The following C4orf36 variants were observed in gnomAD, a reference collection of about 807,000 sequenced individuals.
C4orf36 encodes chromosome 4 open reading frame 36.
C4orf36 carries 11 observed loss-of-function variants against 12.2 expected under a neutral mutation model. The observed-to-expected ratio is 0.90, with a 90% CI of 0.57 to 1.49. The LOEUF is 1.49. Among genes scored for constraint, C4orf36 ranks in the 40% most tolerant of loss-of-function variants. The pLI, the probability that C4orf36 is intolerant of heterozygous loss-of-function variation, is 0.00. For missense variants in C4orf36, 137 were observed against 133.9 expected (o/e 1.02, Z -0.11); for synonymous variants, 54 against 51.3 (o/e 1.05, Z -0.22).
In C4orf36 at chr4:86,889,042, TAAAC is replaced by T. The variant is rs574316732; in HGVS notation, c.66-771_66-768del. On this transcript the variant is annotated intron_variant, in intron 2 of 4. Coordinates refer to ENST00000295898, the MANE Select transcript of C4orf36 (RefSeq NM_144645.4). ...TTGAAGTGTTGAAGTGTCATTCGTT[TAAAC>T]AAACAAACAAAAAAACATGGAGGCC... Among the ~76,000 whole-genome samples, 367 of 152,222 alleles carry T rather than the reference TAAAC, an allele frequency of 2.4e-3. 1 individual carries two copies. The highest frequency in any genetic ancestry group is 4.3e-3 in the Non-Finnish European group (290 of 67,994).
At chr4:86,915,204 A>G in the C4orf36 span, among the ~76,000 whole-genome samples, 1 of 152,144 alleles carries the variant, frequency 6.6e-6, no homozygotes, top group East Asian at 1.9e-4. Flanking sequence ...CCCCTGTATA[A>G]GCACCCTCCA....
chr4:86,919,891 TGA>T, the C4orf36 span, among the ~76,000 whole-genome samples: 18 of 152,118 alleles, frequency 1.2e-4, no homozygotes, highest in East Asian at 2.1e-3. Context: ...AAAAATTAGC[TGA>T]GAGTGGGGGA....
the C4orf36 span, among the ~76,000 whole-genome samples, chr4:86,930,978 T>C: frequency 6.6e-6 from 1 of 152,206 alleles, no homozygotes; most frequent in East Asian, 1.9e-4. Flanking sequence ...TACCTGGCTT[T>C]CTGTACATTT....
At chr4:86,915,588 A>G in the C4orf36 span, among the ~76,000 whole-genome samples, 3 of 152,152 alleles carry the variant, frequency 2.0e-5, no homozygotes, top group South Asian at 6.2e-4. Flanking sequence ...GTTCAAGACC[A>G]GCCTGATCAA....
At chr4:86,913,825 CTTTT>C in the C4orf36 span, 752 of 614,952 alleles carry the variant, frequency 1.2e-3, no homozygotes, top group East Asian at 1.5e-3. Context: ...TTTTCATCCA[CTTTT>C]TTTTTTTTTT....
the C4orf36 span, among the ~76,000 whole-genome samples, chr4:86,910,025 C>T: frequency 2.0e-5 from 3 of 151,558 alleles, no homozygotes; most frequent in Non-Finnish European, 2.9e-5. Context: ...CACAGGAATG[C>T]AGCCAGCCCT....
At chr4:86,904,751 A>T in the C4orf36 span, among the ~76,000 whole-genome samples, 1 of 152,152 alleles carries the variant, frequency 6.6e-6, no homozygotes, top group South Asian at 2.1e-4. Context: ...TAATAATTGT[A>T]AGTTCAATGA....
At chr4:86,917,381 AAAGG>A in the C4orf36 span, among the ~76,000 whole-genome samples, 77 of 149,506 alleles carry the variant, frequency 5.2e-4, no homozygotes, top group South Asian at 1.5e-3. Flanking sequence ...GGAAGGAAGG[AAAGG>A]AAGGAAGGAA....
chr4:86,914,391 C>CTTT, the C4orf36 span: 1,731 of 326,978 alleles, frequency 5.3e-3, 3 homozygotes, highest in African/African-American at 0.014. Context: ...CTTCTTCTTC[C>CTTT]TTTTTTTTTT....
At chr4:86,927,632 T>C in the C4orf36 span, among the ~76,000 whole-genome samples, 1 of 151,970 alleles carries the variant, frequency 6.6e-6, no homozygotes, top group South Asian at 2.1e-4. Flanking sequence ...AAACCCTGTC[T>C]CTACTAAAAA....
At chr4:86,876,611 T>A in intron 4 of C4orf36, 168 bp from the exon 5 acceptor site, 1 of 1,613,924 alleles carries the variant, frequency 6.2e-7, no homozygotes, top group African/African-American at 1.3e-5. Flanking sequence ...GAACAGACAG[T>A]TCTTCAATGA....
In C4orf36 at chr4:86,876,370, G is replaced by A; in HGVS notation, c.*76C>T. The A allele has an allele frequency of 1.3e-6, 2 of 1,597,934 alleles. No homozygotes were observed. The highest frequency in any genetic ancestry group is 1.7e-6 in the Non-Finnish European group (2 of 1,172,900). ...GCAGCGACGGCCGGGGCCGGGAGCGGGTCCTGGGCGGCCCAGGAGAAGCAG... is the reference window on the plus strand; with the variant it reads ...GCAGCGACGGCCGGGGCCGGGAGCGAGTCCTGGGCGGCCCAGGAGAAGCAG... On this transcript the variant is annotated 3_prime_UTR_variant, in exon 5 of 5. Transcript: ENST00000295898.
the C4orf36 span, chr4:86,914,178 GA>G: frequency 1.1e-5 from 17 of 1,591,018 alleles, no homozygotes; most frequent in Non-Finnish European, 1.5e-5. Context: ...CCCTAGTGGG[GA>G]CTACTTCACA....
At chr4:86,905,378 C>T in the C4orf36 span, among the ~76,000 whole-genome samples, 42 of 141,350 alleles carry the variant, frequency 3.0e-4, no homozygotes, top group African/African-American at 1.0e-3. Flanking sequence ...GACTCCATCT[C>T]GAAATAAATA....
chr4:86,897,481 C>CT, the C4orf36 span, among the ~76,000 whole-genome samples: 1 of 152,210 alleles, frequency 6.6e-6, no homozygotes. Flanking sequence ...GAGCTACCTC[C>CT]TTTAAGTTCT....
the C4orf36 span, among the ~76,000 whole-genome samples, chr4:86,923,292 T>C: frequency 6.6e-6 from 1 of 151,864 alleles, no homozygotes; most frequent in South Asian, 2.1e-4. Flanking sequence ...GGTCTCACTA[T>C]GTTGCCTAAG....
chr4:86,931,831 T>C, the C4orf36 span, among the ~76,000 whole-genome samples: 133,588 of 151,788 alleles, frequency 0.88, 60,965 homozygotes, highest in Non-Finnish European at 1. Flanking sequence ...GTCAGGAGAT[T>C]GAGACCATCC....
At chr4:86,914,975 A>G in the C4orf36 span, among the ~76,000 whole-genome samples, 2 of 152,102 alleles carry the variant, frequency 1.3e-5, no homozygotes, top group Non-Finnish European at 2.9e-5. Context: ...CCCTTTTCTG[A>G]CAGTGAGAAA....
In C4orf36 at chr4:86,887,887, T is replaced by G. The variant is rs749941191; in HGVS notation, c.227A>C (p.Lys76Thr). The G allele has an allele frequency of 1.9e-6, 3 of 1,613,912 alleles. No homozygotes were observed. In the African/African-American group the frequency reaches 4.0e-5, roughly 22 times the overall value. ...DGLLPSAESI[K>T]LEREYEVKRL... The stretch of plus-strand genomic sequence containing the variant: ...CTTCACTTCATACTCCCTTTCGAGT[T>G]TGATAGCTGAAAAAGAAAATACACA... Residue 76 changes from lysine (K) to threonine (T), a missense_variant, in exon 4 of 5, where the codon AAA (lysine) becomes ACA (threonine). By Grantham distance (78) the Lys-to-Thr change is moderately conservative (BLOSUM62 -1). Transcript: ENST00000295898.
Sources: allele counts gnomAD v4.1 joint callset (sites outside exome capture counted in the v4.1 genomes callset), GRCh38; gene constraint gnomAD v4.1.1; transcripts MANE v1.5; gene names NCBI Gene and HGNC (gene_info 2026-07-23, HGNC 2026-07-21).